Variants in BMPER observed in about 807,000 individuals in gnomAD.
BMPER encodes BMP-binding endothelial regulator protein.
In BMPER, 45 loss-of-function variants were observed where a neutral mutation model predicts 87.3. The observed-to-expected ratio is 0.52, with a 90% CI of 0.41 to 0.66. The LOEUF (loss-of-function observed/expected upper bound fraction) is 0.66. Among genes scored for constraint, BMPER ranks in the 30% least tolerant of loss-of-function variants. BMPER has a pLI of 0.00. For missense variants in BMPER, 784 were observed against 867.5 expected, an observed-to-expected ratio of 0.90 and a Z score of 1.21; for synonymous variants, 326 against 316.2, an observed-to-expected ratio of 1.03 and a Z score of -0.33.
intron 13 of BMPER, among the ~76,000 whole-genome samples, chr7:34,139,712 C>G (rs1171457717): frequency 1.3e-5 from 2 of 152,098 alleles, no homozygotes; most frequent in Non-Finnish European, 2.9e-5. Context: ...TGTTATCCTT[C>G]TCTTTTTTTT....
intron 13 of BMPER, among the ~76,000 whole-genome samples, chr7:34,093,244 C>G (rs1046488984): frequency 3.3e-5 from 5 of 152,228 alleles, no homozygotes; most frequent in African/African-American, 4.8e-5. Context: ...GCATTAACTC[C>G]TCTTGTCCAC....
At chr7:34,097,186 G>A (rs1219010224) in intron 13 of BMPER, among the ~76,000 whole-genome samples, 1 of 152,206 alleles carries the variant, frequency 6.6e-6, no homozygotes, top group Admixed American at 6.5e-5. Flanking sequence ...GACAAAAAGA[G>A]GAGCAGGAGG....
intron 13 of BMPER, among the ~76,000 whole-genome samples, chr7:34,112,383 C>G (rs1160061251): frequency 6.6e-6 from 1 of 151,252 alleles, no homozygotes; most frequent in African/African-American, 2.4e-5. Context: ...GTAGTCCCAG[C>G]TACTCGGGAG....
At chr7:33,924,617 G>A (rs1355139667) in intron 2 of BMPER, among the ~76,000 whole-genome samples, 3 of 152,200 alleles carry the variant, frequency 2.0e-5, no homozygotes, top group African/African-American at 7.2e-5. Context: ...CTTCACTGAG[G>A]TGTAGGAGTA....
intron 12 of BMPER, among the ~76,000 whole-genome samples, chr7:34,085,304 G>A (rs1249193308): frequency 6.6e-6 from 1 of 152,016 alleles, no homozygotes; most frequent in Non-Finnish European, 1.5e-5. Context: ...TGGCATTGGG[G>A]GAATAATTAC....
At position 34,046,233 on chromosome 7, in the gene BMPER, C is replaced by T; in HGVS notation, c.577-73C>T. 4 of 1,420,806 alleles carry T rather than the reference C, an allele frequency of 2.8e-6. No homozygotes were observed. In the South Asian group the frequency reaches 4.6e-5, roughly 16 times the overall value. 88.0% of individuals were successfully genotyped at this position (1,420,806 alleles called of 1,614,324 possible). A position where few individuals can be genotyped will look rare whatever the true frequency, so the allele number is the denominator to read the frequency against. On this transcript the variant is annotated intron_variant, in intron 6 of 14. Transcript: ENST00000649409. ...ACTATGGAAGGGCCTTAGGTTTGTTCTAGATATCTTGGTTGTACAATCTAC... is the reference window on the plus strand; with the variant it reads ...ACTATGGAAGGGCCTTAGGTTTGTTTTAGATATCTTGGTTGTACAATCTAC...
At chr7:34,028,004 C>T (rs1787403335) in intron 6 of BMPER, among the ~76,000 whole-genome samples, 1 of 151,878 alleles carries the variant, frequency 6.6e-6, no homozygotes, top group African/African-American at 2.4e-5. Flanking sequence ...CAAGATAGAG[C>T]AATACATTTT....
At chr7:34,004,769 G>A (rs1474283317) in intron 6 of BMPER, among the ~76,000 whole-genome samples, 1 of 152,044 alleles carries the variant, frequency 6.6e-6, no homozygotes, top group Non-Finnish European at 1.5e-5. Flanking sequence ...CTGTATGAGG[G>A]GCATGTTTTC....
At chr7:34,112,073 T>G (rs186764068) in intron 13 of BMPER, among the ~76,000 whole-genome samples, 10 of 152,240 alleles carry the variant, frequency 6.6e-5, no homozygotes, top group African/African-American at 2.4e-4. Context: ...CGTATAAGTT[T>G]TGTTTAAAAT....
chr7:34,067,517 A>C (rs1009029070), intron 11 of BMPER, among the ~76,000 whole-genome samples: 1 of 152,166 alleles, frequency 6.6e-6, no homozygotes, highest in Non-Finnish European at 1.5e-5. Context: ...GGCTGTAAGC[A>C]ACTCCAGGTC....
At chr7:33,977,264 T>A (rs1254285045) in intron 6 of BMPER, among the ~76,000 whole-genome samples, 3 of 150,356 alleles carry the variant, frequency 2.0e-5, no homozygotes, top group Non-Finnish European at 4.4e-5. Flanking sequence ...TGCTATCTTT[T>A]GATGGAGTAC....
At chr7:34,113,695 G>C (rs900842132) in intron 13 of BMPER, among the ~76,000 whole-genome samples, 1 of 152,034 alleles carries the variant, frequency 6.6e-6, no homozygotes, top group African/African-American at 2.4e-5. Flanking sequence ...CACAGGCTTT[G>C]TATATCTATT....
intron 13 of BMPER, among the ~76,000 whole-genome samples, chr7:34,110,902 A>G (rs969358687): frequency 2.0e-5 from 3 of 152,208 alleles, no homozygotes; most frequent in Non-Finnish European, 2.9e-5. Context: ...AAAGTCTCTC[A>G]GGGGAGATTT....
intron 13 of BMPER, among the ~76,000 whole-genome samples, chr7:34,138,665 G>A (rs1790785831): frequency 6.6e-6 from 1 of 152,180 alleles, no homozygotes; most frequent in South Asian, 2.1e-4. Context: ...TAAGGGGATT[G>A]CAGGGGCCTG....
At chr7:34,063,969 G>T (rs1788508855) in intron 11 of BMPER, among the ~76,000 whole-genome samples, 1 of 152,202 alleles carries the variant, frequency 6.6e-6, no homozygotes, top group Non-Finnish European at 1.5e-5. Context: ...TGTCAGGCAG[G>T]ATCACTGCTT....
chr7:34,106,098 C>T (rs1196828350), intron 13 of BMPER, among the ~76,000 whole-genome samples: 1 of 152,108 alleles, frequency 6.6e-6, no homozygotes, highest in Non-Finnish European at 1.5e-5. Context: ...ATCTGTGTAG[C>T]TCTACTGGGG....
intron 13 of BMPER, among the ~76,000 whole-genome samples, chr7:34,090,158 A>G (rs914199817): frequency 6.6e-6 from 1 of 152,228 alleles, no homozygotes; most frequent in African/African-American, 2.4e-5. Context: ...TAGCTTTGCT[A>G]ATTGACTTCT....
chr7:33,943,773 T>A (rs1562644841), intron 3 of BMPER, among the ~76,000 whole-genome samples: 1 of 152,178 alleles, frequency 6.6e-6, no homozygotes, highest in Non-Finnish European at 1.5e-5. Flanking sequence ...TCATTTCCAT[T>A]CCATCTAACG....
chr7:33,959,850 T>C (rs1210242522), intron 3 of BMPER, among the ~76,000 whole-genome samples: 1 of 152,156 alleles, frequency 6.6e-6, no homozygotes, highest in Non-Finnish European at 1.5e-5. Flanking sequence ...CACTTTACAG[T>C]CTCCAACAAA....
Sources: gnomAD v4.1 joint callset for allele counts (sites outside exome capture counted in the v4.1 genomes callset) on GRCh38, gnomAD v4.1.1 for gene constraint, MANE v1.5 for transcripts, NCBI Gene and HGNC (gene_info 2026-07-23, HGNC 2026-07-21) for gene names.